The following EDEM3 variants were observed in gnomAD, a reference collection of about 807,000 sequenced individuals.
EDEM3 encodes ER degradation-enhancing alpha-mannosidase-like protein 3.
A neutral mutation model predicts 110.2 loss-of-function variants in EDEM3; 60 were observed. The observed-to-expected ratio is 0.54, with a 90% CI of 0.44 to 0.67. The LOEUF (loss-of-function observed/expected upper bound fraction) is 0.67, where lower values mean the gene tolerates loss of function less well. EDEM3 is among the 30% of genes least tolerant of loss of function. EDEM3 has a pLI of 0.00. For synonymous variants in EDEM3, 352 were observed against 382.9 expected (o/e 0.92, Z 0.94); for missense variants, 996 against 1,121.0 (o/e 0.89, Z 1.59).
At chr1:184,715,878 G>T (rs1160506059) in intron 13 of EDEM3, among the ~76,000 whole-genome samples, 1 of 152,122 alleles carries the variant, frequency 6.6e-6, no homozygotes, top group Admixed American at 6.6e-5. Flanking sequence ...GTTAGGGATG[G>T]AGATTCGAAG....
At chr1:184,751,933 AGTAG>A (rs1652790977) in intron 1 of EDEM3, among the ~76,000 whole-genome samples, 1 of 151,954 alleles carries the variant, frequency 6.6e-6, no homozygotes, top group African/African-American at 2.4e-5. Flanking sequence ...TTGTGTTTTT[AGTAG>A]AGAAGGGGTT....
In EDEM3 at chr1:184,754,500, T is replaced by C. The variant is rs145069692; in HGVS notation, c.147A>G (p.Lys49=). Reference sequence around the variant, plus strand: ...GCCAGCACCCTTACCCAAGCTTCTGTTTCTCCTCCCTACTCATGGGCTCGG... The same window carrying C: ...GCCAGCACCCTTACCCAAGCTTCTGCTTCTCCTCCCTACTCATGGGCTCGG... ...AGAEPMSREE[K]QKLGNQVLEM... The change falls in exon 1 of 20, where the codon AAA becomes AAG. Residue 49 remains lysine, a synonymous_variant. Transcript: ENST00000318130. The C allele has an allele frequency of 1.2e-3, 1,930 of 1,612,466 alleles. 9 individuals carry two copies. The highest frequency in any genetic ancestry group is 5.3e-3 in the Middle Eastern group (32 of 6,058).
At chr1:184,737,569 G>A (rs1181014033) in intron 3 of EDEM3, 42 bp downstream of exon 3, 1 of 1,570,548 alleles carries the variant, frequency 6.4e-7, no homozygotes, top group African/African-American at 1.4e-5. Context: ...CTAAGACTTG[G>A]GAACTCTGAG....
intron 9 of EDEM3, among the ~76,000 whole-genome samples, chr1:184,719,802 T>C (rs118177858): frequency 0.014 from 2,173 of 152,344 alleles, 43 homozygotes; most frequent in East Asian, 0.05. Flanking sequence ...ATCTGTAATA[T>C]AGGACCTTCT....
At position 184,719,243 on chromosome 1, in the gene EDEM3, C is replaced by A; in HGVS notation, c.1080G>T (p.Val360=). Residue 360 remains valine (V), a splice_region_variant and synonymous_variant, in exon 11 of 20, where the codon GTG becomes GTT. Coordinates refer to ENST00000318130, the MANE Select transcript of EDEM3 (RefSeq NM_025191.4). The stretch of plus-strand genomic sequence containing the variant: ...TAGCAGGTCTAATATCCCCCTTTAA[C>A]ACCTAGAAATCAACAACAATAAAAT... ...ALLAFFPGLQ[V]LKGDIRPAIE... The A allele has an allele frequency of 6.4e-7, 1 of 1,561,006 alleles. No individual in the cohort carries two copies. The highest frequency in any genetic ancestry group is 2.3e-5 in the East Asian group (1 of 44,128).
rs895364862 is a variant in EDEM3, at chr1:184,693,799, G to T, written c.*264C>A. On this transcript the variant is annotated 3_prime_UTR_variant, in exon 20 of 20. Coordinates refer to ENST00000318130, the MANE Select transcript of EDEM3 (RefSeq NM_025191.4). ...CAGGAATGCTCAGTAATCTTTCCCT[G>T]GCCTGAGGTGTTGCAGGGTGGTGCA... 8.6e-6 allele frequency: 3 copies of T among 348,614 alleles called. No homozygotes were observed. Among genetic ancestry groups the T allele is most frequent in the Non-Finnish European group, 1.6e-5 (3 of 190,242 alleles). 21.6% of individuals were successfully genotyped at this position (348,614 alleles called of 1,614,324 possible).
intron 18 of EDEM3, among the ~76,000 whole-genome samples, chr1:184,705,104 A>G (rs1220627779): frequency 6.6e-5 from 10 of 152,096 alleles, no homozygotes; most frequent in Admixed American, 5.9e-4. Flanking sequence ...CAATTATTGC[A>G]TACTATAGAA....
At chr1:184,748,538 T>A (rs1652571703) in intron 2 of EDEM3, among the ~76,000 whole-genome samples, 1 of 152,048 alleles carries the variant, frequency 6.6e-6, no homozygotes, top group Admixed American at 6.5e-5. Context: ...GTTTTTAATG[T>A]TGAAATGTAT....
chr1:184,706,691 T>G lies in EDEM3; in HGVS notation c.2155A>C (p.Lys719Gln). 4 of 1,613,676 alleles carry G rather than the reference T, an allele frequency of 2.5e-6. No homozygotes were observed. Among genetic ancestry groups the G allele is most frequent in the Non-Finnish European group, 3.4e-6 (4 of 1,179,702 alleles). Reference sequence around the variant, plus strand: ...CCAGCATTCTGGATGTTGCGTGCCTTTTCTGCAAACATGCACTGTCCTCTT... The same window carrying G: ...CCAGCATTCTGGATGTTGCGTGCCTGTTCTGCAAACATGCACTGTCCTCTT... ...IQRGQCMFAE[K>Q]ARNIQNAGAI... The change falls in exon 18 of 20, where the codon AAG becomes CAG. Residue 719 changes from lysine to glutamine, a missense_variant. Transcript: ENST00000318130.
In EDEM3 at chr1:184,723,805, T is replaced by G; in HGVS notation, c.799A>C (p.Ser267Arg). 3 of 1,595,062 alleles carry G rather than the reference T, an allele frequency of 1.9e-6. No homozygotes were observed. The highest frequency in any genetic ancestry group is 2.6e-6 in the Non-Finnish European group (3 of 1,174,004). The change falls in exon 8 of 20, where the codon AGT becomes CGT. Residue 267 changes from serine (S) to arginine (R), a missense_variant. Around this residue, in one of 5 missense-constraint regions of EDEM3, gnomAD observed 310 missense variants for 394.6 expected, o/e 0.79. Transcript: ENST00000318130. Reference protein sequence around the residue: ...DFLWEKRQRSSNLVGVTINIH... With the variant: ...DFLWEKRQRSRNLVGVTINIH... ...TTTATAGTCACGCCCACTAAATTAC[T>G]ACTTCGCTGTCTTTTTTCCCAGAGA... is the stretch of plus-strand genomic sequence containing the variant.
At chr1:184,733,034 T>G (rs1460382532) in intron 5 of EDEM3, 44 bp from the exon 6 acceptor site, 2 of 1,550,800 alleles carry the variant, frequency 1.3e-6, no homozygotes, top group Non-Finnish European at 1.7e-6. Flanking sequence ...TTATAGACAA[T>G]TAAAAGTTAC....
chr1:184,725,449 C>A (rs1040666), intron 7 of EDEM3, among the ~76,000 whole-genome samples: 86,878 of 151,814 alleles, frequency 0.57, 26,286 homozygotes, highest in African/African-American at 0.78. Context: ...TAGAGCAAAA[C>A]CTTAAGTTTA....
At chr1:184,706,506 A>G (rs1320775579) in intron 18 of EDEM3, 137 bp downstream of exon 18, 5 of 636,884 alleles carry the variant, frequency 7.9e-6, no homozygotes, top group Non-Finnish European at 1.2e-5. Context: ...AAGTCATTGG[A>G]TTACCTATCC....
chr1:184,715,884 C>T (rs1054132983), intron 13 of EDEM3, among the ~76,000 whole-genome samples: 2 of 152,096 alleles, frequency 1.3e-5, no homozygotes, highest in African/African-American at 4.8e-5. Context: ...GATGGAGATT[C>T]GAAGCCTAAT....
intron 3 of EDEM3, 128 bp from the exon 4 acceptor site, chr1:184,737,192 T>C: frequency 1.3e-6 from 1 of 753,442 alleles, no homozygotes; most frequent in East Asian, 2.6e-5. Context: ...GTATCTATAG[T>C]ACAATGAAAC....
chr1:184,723,719 A>G, intron 8 of EDEM3, 32 bp downstream of exon 8: 1 of 1,490,606 alleles, frequency 6.7e-7, no homozygotes. Flanking sequence ...TGAGGATGCA[A>G]AGGCTTGATT....
At chr1:184,745,645 T>C (rs1413246208) in intron 2 of EDEM3, among the ~76,000 whole-genome samples, 1 of 152,098 alleles carries the variant, frequency 6.6e-6, no homozygotes, top group Non-Finnish European at 1.5e-5. Context: ...AATCTAGAAA[T>C]GCACAGGAAG....
At chr1:184,705,692 C>T (rs7542913) in intron 18 of EDEM3, among the ~76,000 whole-genome samples, 17,139 of 151,694 alleles carry the variant, frequency 0.11, 2,132 homozygotes, top group African/African-American at 0.31. Flanking sequence ...AACTATTGGG[C>T]GGCAGGGGAG....
intron 2 of EDEM3, among the ~76,000 whole-genome samples, chr1:184,748,595 C>G (rs1652575711): frequency 6.6e-6 from 1 of 152,114 alleles, no homozygotes; most frequent in Non-Finnish European, 1.5e-5. Flanking sequence ...AAAATGTGCT[C>G]TCTCCAAATT....
Sources: gnomAD v4.1 joint callset for allele counts (sites outside exome capture counted in the v4.1 genomes callset) on GRCh38, gnomAD v4.1.1 for gene constraint, gnomAD v4.1.1 regional missense constraint, MANE v1.5 for transcripts, NCBI Gene and HGNC (gene_info 2026-07-23, HGNC 2026-07-21) for gene names.